The following COBL variants were observed in gnomAD, a reference collection of about 807,000 sequenced individuals.
The protein encoded by COBL is protein cordon-bleu.
Under a neutral mutation model 98.8 loss-of-function variants are expected in COBL, and 51 were observed. The observed-to-expected ratio is 0.52, with a 90% CI of 0.41 to 0.65. The LOEUF is 0.65. Among genes scored for constraint, COBL ranks in the 30% least tolerant of loss-of-function variants. The pLI, the probability that COBL is intolerant of heterozygous loss-of-function variation, is 0.00. For synonymous variants in COBL, 634 were observed against 651.7 expected (o/e 0.97, Z 0.41); for missense variants, 1,617 against 1,617.5 (o/e 1.00, Z 0.01).
At chr7:51,203,898 AC>A (rs1338433329) in intron 2 of COBL, among the ~76,000 whole-genome samples, 1 of 152,190 alleles carries the variant, frequency 6.6e-6, no homozygotes, top group Non-Finnish European at 1.5e-5. Context: ...TCATGCTGAC[AC>A]CAAAGTCAAA....
chr7:51,126,586 G>A (rs1170398144), intron 6 of COBL, among the ~76,000 whole-genome samples: 1 of 152,108 alleles, frequency 6.6e-6, no homozygotes, highest in Non-Finnish European at 1.5e-5. Context: ...CTTGGACTGA[G>A]GTACATGGAG....
intron 10 of COBL, among the ~76,000 whole-genome samples, chr7:51,027,087 C>A (rs953619761): frequency 4.6e-5 from 7 of 152,304 alleles, no homozygotes; most frequent in African/African-American, 1.7e-4. Context: ...ATCTTGCAGA[C>A]CCAGAAGAGA....
At chr7:51,061,981 A>ACT (rs756118927) in intron 7 of COBL, among the ~76,000 whole-genome samples, 1 of 150,500 alleles carries the variant, frequency 6.6e-6, no homozygotes, top group African/African-American at 2.5e-5. Context: ...ACACACACAC[A>ACT]CTCATAAATA....
intron 2 of COBL, among the ~76,000 whole-genome samples, chr7:51,196,656 T>C (rs1254728888): frequency 1.3e-5 from 2 of 152,030 alleles, no homozygotes; most frequent in Admixed American, 1.3e-4. Context: ...CTTTTTCTTT[T>C]CTTTTTTTTT....
chr7:51,289,188 T>A (rs1472111029), intron 1 of COBL, among the ~76,000 whole-genome samples: 2 of 152,202 alleles, frequency 1.3e-5, no homozygotes, highest in Non-Finnish European at 2.9e-5. Context: ...TCCCAAATAG[T>A]CTTTTCAACA....
rs763594028 is a variant in COBL, at chr7:51,046,803, C to A, written c.1097-3111G>T. Among the ~76,000 whole-genome samples, 91 of 152,280 alleles carry A rather than the reference C, an allele frequency of 6.0e-4. 1 individual carries two copies. The Middle Eastern group carries it at 0.01, about 17-fold the overall frequency. ...TTCCCTAGAGCCAGCGATCCAGGGACCCCAGCCTGAAACCCAGGGGCAGCA... is the reference window on the plus strand; with the variant it reads ...TTCCCTAGAGCCAGCGATCCAGGGAACCCAGCCTGAAACCCAGGGGCAGCA... On this transcript the variant is annotated intron_variant, in intron 7 of 12. Coordinates refer to ENST00000265136, the MANE Select transcript of COBL (RefSeq NM_015198.5).
At chr7:51,062,418 C>T (rs1791471809) in intron 7 of COBL, among the ~76,000 whole-genome samples, 1 of 152,136 alleles carries the variant, frequency 6.6e-6, no homozygotes, top group South Asian at 2.1e-4. Flanking sequence ...AGCATGACTT[C>T]AGGGCAAAGG....
chr7:51,202,490 T>C (rs1205813500), intron 2 of COBL, among the ~76,000 whole-genome samples: 2 of 152,196 alleles, frequency 1.3e-5, no homozygotes, highest in African/African-American at 4.8e-5. Flanking sequence ...ATGGTATATA[T>C]AAACTTTAGT....
At chr7:51,110,784 G>A (rs1256898479) in intron 6 of COBL, among the ~76,000 whole-genome samples, 7 of 152,162 alleles carry the variant, frequency 4.6e-5, no homozygotes, top group Non-Finnish European at 2.9e-5. Context: ...GAGAACATAC[G>A]ATGTTTGGTT....
At chr7:51,173,630 A>G (rs1249664592) in intron 5 of COBL, among the ~76,000 whole-genome samples, 1 of 152,218 alleles carries the variant, frequency 6.6e-6, no homozygotes, top group Non-Finnish European at 1.5e-5. Flanking sequence ...CAATTGGAAA[A>G]TTCAATTTCT....
intron 1 of COBL, among the ~76,000 whole-genome samples, chr7:51,279,789 T>C (rs1057153086): frequency 6.6e-6 from 1 of 152,184 alleles, no homozygotes; most frequent in African/African-American, 2.4e-5. Context: ...TCTTTCCCCC[T>C]CCTGACCCCT....
At chr7:51,103,341 T>C (rs1004634092) in intron 6 of COBL, among the ~76,000 whole-genome samples, 2 of 152,236 alleles carry the variant, frequency 1.3e-5, no homozygotes. Context: ...TTTTTTTTCC[T>C]ACTGTGGTGT....
intron 1 of COBL, chr7:51,260,299 T>C: frequency 2.1e-6 from 1 of 470,564 alleles, no homozygotes. Flanking sequence ...CTATCTCATT[T>C]ATAGAACAGG....
chr7:51,150,200 T>C (rs1785427699), intron 5 of COBL, among the ~76,000 whole-genome samples: 1 of 152,210 alleles, frequency 6.6e-6, no homozygotes, highest in African/African-American at 2.4e-5. Context: ...GTGACTTGTG[T>C]ATCCCAGAAG....
chr7:51,121,309 G>A (rs1390713800), intron 6 of COBL, among the ~76,000 whole-genome samples: 1 of 152,158 alleles, frequency 6.6e-6, no homozygotes. Flanking sequence ...TTGCTGACTT[G>A]TATATTTTCT....
In COBL at chr7:51,025,140, C is replaced by T. The variant is rs768711313; in HGVS notation, c.3737G>A (p.Arg1246His). 19 of 1,607,748 alleles carry T rather than the reference C, an allele frequency of 1.2e-5. No homozygotes were observed. The highest frequency in any genetic ancestry group is 1.7e-5 in the Admixed American group (1 of 59,770). The stretch of plus-strand genomic sequence containing the variant: ...CAGTCTCGCAGCCCCTGTGCCGGAG[C>T]GGATGGCGTCCATCAAGGCTTGCCT... ...DARQALMDAI[R>H]SGTGAARLRK... Residue 1246 changes from arginine (R) to histidine (H), a missense_variant, in exon 12 of 13, where the codon CGC (arginine) becomes CAC (histidine). This residue lies in a region of COBL where 1,304 missense variants were observed against 1,282.0 expected (regional missense o/e 1.02). Transcript: ENST00000265136.
chr7:51,019,577 C>G (rs892242294), intron 12 of COBL, among the ~76,000 whole-genome samples: 9 of 152,172 alleles, frequency 5.9e-5, no homozygotes, highest in African/African-American at 2.2e-4. Flanking sequence ...TGGAGAACAG[C>G]ATTTGCTGGC....
At chr7:51,218,444 C>A (rs149273294) in intron 2 of COBL, among the ~76,000 whole-genome samples, 2,619 of 152,292 alleles carry the variant, frequency 0.017, 28 homozygotes, top group Non-Finnish European at 0.027. Context: ...ATTACTCAAG[C>A]AAACTGCTTC....
chr7:51,027,909 G>T lies in COBL; in HGVS notation c.3187C>A (p.Leu1063Ile). The T allele has an allele frequency of 6.2e-7, 1 of 1,614,150 alleles. No homozygotes were observed. Among genetic ancestry groups the T allele is most frequent in the Non-Finnish European group, 8.5e-7 (1 of 1,180,006 alleles). ...CTGGGCTTTTCCTCTCTTTCTAGGA[G>T]AATGTGGCTTTCTGTGCCAGACCCT... ...PGGSGTESHI[L>I]LEREEKPSVF... The change falls in exon 10 of 13, where the codon CTC becomes ATC. Residue 1063 changes from leucine (L) to isoleucine (I), a missense_variant. Physicochemically the swap from Leu to Ile is conservative, Grantham distance 5. Around this residue, in one of 3 missense-constraint regions of COBL, gnomAD observed 1,304 missense variants for 1,282.0 expected, o/e 1.02. Coordinates refer to ENST00000265136, the MANE Select transcript of COBL (RefSeq NM_015198.5).
Sources: allele counts gnomAD v4.1 joint callset (sites outside exome capture counted in the v4.1 genomes callset), GRCh38; gene constraint gnomAD v4.1.1; regional missense constraint gnomAD v4.1.1; transcripts MANE v1.5; gene names NCBI Gene and HGNC (gene_info 2026-07-23, HGNC 2026-07-21).